Variants in GRM7 observed in about 807,000 individuals in gnomAD.
GRM7 encodes the protein metabotropic glutamate receptor 7.
Under a neutral mutation model 84.5 loss-of-function variants are expected in GRM7, and 35 were observed. That is an observed-to-expected ratio of 0.41 (90% CI 0.32 to 0.55). GRM7 has a LOEUF of 0.55. Ranked by LOEUF, GRM7 falls within the 20% of genes least tolerant of loss-of-function variation. GRM7 has a pLI of 0.19. For synonymous variants in GRM7, 487 were observed against 455.1 expected, an observed-to-expected ratio of 1.07 and a Z score of -0.89; for missense variants, 1,003 against 1,194.6, an observed-to-expected ratio of 0.84 and a Z score of 2.36.
intron 9 of GRM7, among the ~76,000 whole-genome samples, chr3:7,730,680 C>T (rs192895213): frequency 4.3e-4 from 66 of 152,314 alleles, no homozygotes; most frequent in Admixed American, 1.4e-3. Flanking sequence ...ACACTAAGTA[C>T]TACTCTGCTG....
intron 1 of GRM7, among the ~76,000 whole-genome samples, chr3:7,125,148 C>T (rs1693355874): frequency 6.6e-6 from 1 of 152,110 alleles, no homozygotes; most frequent in Admixed American, 6.5e-5. Context: ...CCTTGTTGGC[C>T]AGGCTGGTCT....
At chr3:7,591,805 C>T (rs1022710097) in intron 8 of GRM7, among the ~76,000 whole-genome samples, 5 of 152,068 alleles carry the variant, frequency 3.3e-5, no homozygotes. Context: ...GATATCATCC[C>T]CATTTACAGA....
intron 1 of GRM7, among the ~76,000 whole-genome samples, chr3:6,902,278 A>T (rs1346098770): frequency 1.3e-5 from 2 of 152,164 alleles, no homozygotes; most frequent in African/African-American, 2.4e-5. Context: ...TTTTTGCACA[A>T]TTTTTTAAAA....
At chr3:6,878,676 C>G (rs1695402824) in intron 1 of GRM7, among the ~76,000 whole-genome samples, 5 of 152,124 alleles carry the variant, frequency 3.3e-5, no homozygotes, top group Admixed American at 3.3e-4. Context: ...GCTGAAGAAT[C>G]ACATGGCAAG....
chr3:6,928,116 C>T lies in GRM7; in HGVS notation c.519+66209C>T, dbSNP rs1172286451. Among the ~76,000 whole-genome samples, 4 of 150,654 alleles carry T rather than the reference C, an allele frequency of 2.7e-5. No homozygotes were observed. The highest frequency in any genetic ancestry group is 4.9e-5 in the African/African-American group (2 of 40,942). On this transcript the variant is annotated intron_variant, in intron 1 of 9. Coordinates refer to ENST00000357716, the MANE Select transcript of GRM7 (RefSeq NM_000844.4). This position sits in a 1 kb window ranked among gnomAD's most constrained non-coding sequence, Gnocchi z 4.5. ...GCTCCTTTTTTTTTTTTCTACACTG[C>T]TGAGGTAGGTATTTTAACACATCCC...
chr3:7,560,304 G>A (rs1283728527), intron 7 of GRM7: 1 of 151,964 alleles, frequency 6.6e-6, no homozygotes, highest in Non-Finnish European at 1.5e-5. Flanking sequence ...TTTTCTGGAG[G>A]ATGCTCCCAT....
At chr3:7,309,542 A>C (rs775050584) in intron 4 of GRM7, among the ~76,000 whole-genome samples, 4 of 152,178 alleles carry the variant, frequency 2.6e-5, no homozygotes, top group South Asian at 2.1e-4. Context: ...GGGAAAAGCC[A>C]ATCAGTAATC....
At position 7,732,898 on chromosome 3, in the gene GRM7, G is replaced by A. The variant is rs950912937; in HGVS notation, c.2699-7459G>A. 5.9e-5 allele frequency among the ~76,000 whole-genome samples: 9 copies of A among 152,190 alleles called. 1 individual carries two copies. On this transcript the variant is annotated intron_variant, in intron 9 of 9. Coordinates refer to ENST00000357716, the MANE Select transcript of GRM7 (RefSeq NM_000844.4). ...CCATAGGCAGAGCACCCCAAGGGCC[G>A]CTGGTTGCCCATTTTTATGGTTATT...
intron 1 of GRM7, among the ~76,000 whole-genome samples, chr3:7,093,754 G>A (rs1217461862): frequency 7.0e-6 from 1 of 142,378 alleles, no homozygotes; most frequent in Non-Finnish European, 1.5e-5. Context: ...TTAAGACATT[G>A]GAAGGAAGCA....
At chr3:7,506,486 G>T (rs942126939) in intron 7 of GRM7, among the ~76,000 whole-genome samples, 5 of 152,050 alleles carry the variant, frequency 3.3e-5, no homozygotes, top group Non-Finnish European at 7.4e-5. Flanking sequence ...CACATTACTA[G>T]GTATTTGTTA....
At chr3:7,285,427 T>C (rs919753082) in intron 2 of GRM7, among the ~76,000 whole-genome samples, 2 of 152,144 alleles carry the variant, frequency 1.3e-5, no homozygotes, top group Non-Finnish European at 2.9e-5. Flanking sequence ...GTGTGTTTTA[T>C]TGAATGAAGA....
intron 2 of GRM7, among the ~76,000 whole-genome samples, chr3:7,227,962 A>G (rs1235637568): frequency 1.3e-5 from 2 of 152,174 alleles, no homozygotes; most frequent in Non-Finnish European, 2.9e-5. Flanking sequence ...TCATATGTCT[A>G]CTTTAATGGT....
At chr3:7,233,746 T>C (rs1245647432) in intron 2 of GRM7, among the ~76,000 whole-genome samples, 2 of 152,002 alleles carry the variant, frequency 1.3e-5, no homozygotes, top group Non-Finnish European at 2.9e-5. Context: ...CAGGTAAAAA[T>C]TTTTCTTTTA....
rs545249870 is a variant in GRM7, at chr3:7,303,631, T to C, written c.879-2867T>C. Among the ~76,000 whole-genome samples the C allele has an allele frequency of 1.1e-4, 16 of 152,190 alleles. No individual in the cohort carries two copies. The East Asian group carries it at 3.1e-3, about 29-fold the overall frequency. On this transcript the variant is annotated intron_variant, in intron 3 of 9. Coordinates refer to ENST00000357716, the MANE Select transcript of GRM7 (RefSeq NM_000844.4). ...TTTTGGAAAACATTTTGTTGTTTTT[T>C]GGAGTTAATATGACAGTCTTCATAC...
At chr3:7,455,768 T>C (rs769584513) in intron 6 of GRM7, among the ~76,000 whole-genome samples, 10 of 152,126 alleles carry the variant, frequency 6.6e-5, no homozygotes, top group African/African-American at 2.4e-4. Flanking sequence ...AAAACACTAA[T>C]GGGAAGGTGG....
chr3:6,921,270 G>A (rs573580033), intron 1 of GRM7, among the ~76,000 whole-genome samples: 17 of 152,320 alleles, frequency 1.1e-4, no homozygotes, highest in African/African-American at 3.8e-4. Context: ...CAAGAGGAGA[G>A]ATGGGGGTAG....
chr3:7,657,566 C>A (rs768419532), intron 8 of GRM7, among the ~76,000 whole-genome samples: 4 of 152,184 alleles, frequency 2.6e-5, no homozygotes, highest in Middle Eastern at 3.4e-3. Context: ...CAAGAATTCC[C>A]TTCTTTTTTT....
At chr3:7,634,477 T>TTG (rs1697983730) in intron 8 of GRM7, among the ~76,000 whole-genome samples, 1 of 27,100 alleles carries the variant, frequency 3.7e-5, no homozygotes, top group Non-Finnish European at 6.2e-5. Flanking sequence ...GCACTTTTTT[T>TTG]CCAAAAAAAA....
intron 8 of GRM7, among the ~76,000 whole-genome samples, chr3:7,670,309 A>G (rs1699865567): frequency 6.6e-6 from 1 of 152,212 alleles, no homozygotes; most frequent in African/African-American, 2.4e-5. Context: ...ATGCAGTCCA[A>G]CAGCAACAGA....
Sources: gnomAD v4.1 joint callset for allele counts (sites outside exome capture counted in the v4.1 genomes callset) on GRCh38, gnomAD v4.1.1 for gene constraint, Gnocchi (gnomAD v3.1) non-coding constraint, MANE v1.5 for transcripts, NCBI Gene and HGNC (gene_info 2026-07-23, HGNC 2026-07-21) for gene names.